The following MTRR variants were observed in gnomAD, a reference collection of about 807,000 sequenced individuals.
The protein encoded by MTRR is 5-methyltetrahydrofolate-homocysteine methyltransferase reductase.
Under a neutral mutation model 79.2 loss-of-function variants are expected in MTRR, and 63 were observed. The ratio of observed to expected loss-of-function variants is 0.80; its 90% CI spans 0.65 to 0.98. MTRR has a LOEUF of 0.98. Ranked by LOEUF, MTRR falls within the 50% of genes least tolerant of loss-of-function variation. The pLI is 0.00. For synonymous variants in MTRR, 355 were observed against 313.3 expected, an observed-to-expected ratio of 1.13 and a Z score of -1.41; for missense variants, 895 against 839.6, an observed-to-expected ratio of 1.07 and a Z score of -0.82.
Position 7,875,339 on chromosome 5 carries a change from A to C in MTRR, c.365A>C (p.His122Pro). 6.2e-7 allele frequency: 1 copy of C among 1,613,886 alleles called. No homozygotes were observed. Among genetic ancestry groups the C allele is most frequent in the Non-Finnish European group, 8.5e-7 (1 of 1,179,766 alleles). Residue 122 changes from histidine to proline, a missense_variant, in exon 4 of 15, where the codon CAT (histidine) becomes CCT (proline). Physicochemically the swap from His to Pro is moderately conservative, Grantham distance 77. Coordinates refer to ENST00000440940, the MANE Select transcript of MTRR (RefSeq NM_002454.3). ...DKRLQELGAR[H>P]FYDTGHADDC... is the part of the protein sequence containing the mutation. ...CGACTTCAAGAGCTTGGAGCCCGGC[A>C]TTTCTATGACACTGGACATGCAGAT...
intron 10 of MTRR, among the ~76,000 whole-genome samples, chr5:7,891,936 G>A (rs1414668267): frequency 6.6e-6 from 1 of 152,140 alleles, no homozygotes; most frequent in African/African-American, 2.4e-5. Flanking sequence ...CAGCTACTTG[G>A]GAGGCTGAGG....
intron 1 of MTRR, chr5:7,861,201 T>C: frequency 6.2e-7 from 1 of 1,612,800 alleles, no homozygotes; most frequent in Non-Finnish European, 8.5e-7. Context: ...AATAGCTTCT[T>C]TCCCCAGTAA....
upstream of MTRR, chr5:7,867,775 G>C (rs756128288): frequency 6.2e-7 from 1 of 1,614,190 alleles, no homozygotes; most frequent in South Asian, 1.1e-5. Context: ...TCAGTCTCCT[G>C]TAAAACATCT....
chr5:7,858,204 G>A (rs931562611), intron 1 of MTRR, among the ~76,000 whole-genome samples: 1 of 152,162 alleles, frequency 6.6e-6, no homozygotes, highest in African/African-American at 2.4e-5. Flanking sequence ...ACACAGGACT[G>A]GATATTAGCT....
rs1236054079 is a variant in MTRR, at chr5:7,887,805, T to C, written c.1146+1102T>C. On this transcript the variant is annotated intron_variant, in intron 8 of 14. Transcript: ENST00000440940. ...GTGTGTGTGTGTGCATATATATATA[T>C]ATATATATATATATATATATATATA... 1.0e-3 allele frequency among the ~76,000 whole-genome samples: 35 copies of C among 35,070 alleles called. 1 individual carries two copies. Among genetic ancestry groups the C allele is most frequent in the Admixed American group, 2.0e-3 (6 of 3,040 alleles). 23.0% of individuals were successfully genotyped at this position (35,070 alleles called of 152,430 possible).
At chr5:7,871,071 A>T (rs1402053963) in intron 2 of MTRR, 148 bp downstream of exon 2, 1 of 957,784 alleles carries the variant, frequency 1.0e-6, no homozygotes, top group Non-Finnish European at 1.6e-6. Flanking sequence ...ATAGTAAGAT[A>T]TCACCAGCAT....
chr5:7,891,640 C>T (rs1381687862), intron 10 of MTRR, among the ~76,000 whole-genome samples: 1 of 152,142 alleles, frequency 6.6e-6, no homozygotes, highest in Non-Finnish European at 1.5e-5. Context: ...TACTATGTTT[C>T]CCCACTTAGG....
rs191071577 is a variant in MTRR, at chr5:7,880,334, G to A, written c.780+2012G>A. ...TTGTAAATTTATACATTGTTCCAGC[G>A]CAAAGTGAACTGTTTCTGATCCTCT... On this transcript the variant is annotated intron_variant, in intron 5 of 14. Coordinates refer to ENST00000440940, the MANE Select transcript of MTRR (RefSeq NM_002454.3). Among the ~76,000 whole-genome samples, 38 of 152,328 alleles carry A rather than the reference G, an allele frequency of 2.5e-4. No individual in the cohort carries two copies. In the East Asian group the frequency reaches 3.5e-3, roughly 14 times the overall value.
intron 8 of MTRR, among the ~76,000 whole-genome samples, chr5:7,887,478 T>C (rs564722699): frequency 2.6e-5 from 4 of 151,262 alleles, no homozygotes; most frequent in Admixed American, 6.6e-5. Context: ...AATGTGTTTA[T>C]TGCATTTCTA....
chr5:7,867,046 G>A (rs1267759741), upstream of MTRR: 10 of 1,614,168 alleles, frequency 6.2e-6, no homozygotes, highest in South Asian at 1.1e-4. Flanking sequence ...ATGTGTCATG[G>A]TGCCCAAAAT....
In MTRR at chr5:7,886,626, C is replaced by A. The variant is rs764360570; in HGVS notation, c.1069C>A (p.Pro357Thr). Residue 357 changes from proline to threonine, a missense_variant, in exon 8 of 15, where the codon CCC becomes ACC. Transcript: ENST00000440940. ...CTTTACCTGAAAAGGAGCTACCTTACCCCAGCATATACCTGCGGGATGTTC... is the reference window on the plus strand; with the variant it reads ...CTTTACCTGAAAAGGAGCTACCTTAACCCAGCATATACCTGCGGGATGTTC... ...ADTKKKGATLPQHIPAGCSLQ... is the reference protein window; with the variant it reads ...ADTKKKGATLTQHIPAGCSLQ... The A allele has an allele frequency of 1.2e-6, 2 of 1,613,330 alleles. No homozygotes were observed. The highest frequency in any genetic ancestry group is 8.5e-7 in the Non-Finnish European group (1 of 1,179,288).
chr5:7,872,003 GA>G (rs1425136267), intron 2 of MTRR, among the ~76,000 whole-genome samples: 2 of 107,152 alleles, frequency 1.9e-5, no homozygotes, highest in African/African-American at 1.0e-4. Flanking sequence ...GATGAATGGT[GA>G]ATTTTTTTTT....
At chr5:7,887,805 T>TGC (rs1736838343) in intron 8 of MTRR, among the ~76,000 whole-genome samples, 1 of 35,080 alleles carries the variant, frequency 2.9e-5, no homozygotes, top group East Asian at 5.0e-4. Flanking sequence ...TATATATATA[T>TGC]ATATATATAT....
intron 1 of MTRR, among the ~76,000 whole-genome samples, chr5:7,858,394 A>C (rs903519315): frequency 6.6e-6 from 1 of 151,902 alleles, no homozygotes; most frequent in African/African-American, 2.4e-5. Flanking sequence ...ATGAGCGGCA[A>C]GGTCAGCTGG....
chr5:7,868,005 T>G, upstream of MTRR: 1 of 1,614,118 alleles, frequency 6.2e-7, no homozygotes. Context: ...AGAGGTTTAT[T>G]TTTTAAAGCA....
chr5:7,895,794 A>C lies in MTRR; in HGVS notation c.1618A>C (p.Ile540Leu). ...FHLPDDPSIPIIMVGPGTGIA... is the reference protein window; with the variant it reads ...FHLPDDPSIPLIMVGPGTGIA... ...CTTACCAGATGACCCCTCAATCCCCATCATAATGGTGGGTCCAGGAACCGG... is the reference window on the plus strand; with the variant it reads ...CTTACCAGATGACCCCTCAATCCCCCTCATAATGGTGGGTCCAGGAACCGG... The change falls in exon 12 of 15, where the codon ATC becomes CTC. Residue 540 changes from isoleucine to leucine, a missense_variant. Coordinates refer to ENST00000440940, the MANE Select transcript of MTRR (RefSeq NM_002454.3). The C allele has an allele frequency of 1.2e-6, 2 of 1,614,076 alleles. No individual in the cohort carries two copies. Among genetic ancestry groups the C allele is most frequent in the Non-Finnish European group, 1.7e-6 (2 of 1,179,956 alleles).
chr5:7,862,418 A>T lies in MTRR; in HGVS notation n.498+361A>T, dbSNP rs565172039. ...CTTAAACTTTTAATAATTTAAATTTAAATAGCCACATGGTCTAGTGGCTAC... is the reference window on the plus strand; with the variant it reads ...CTTAAACTTTTAATAATTTAAATTTTAATAGCCACATGGTCTAGTGGCTAC... On this transcript the variant is annotated intron_variant and non_coding_transcript_variant, in intron 2 of 3. Transcript: ENST00000502509. Among the ~76,000 whole-genome samples, 3 of 152,292 alleles carry T rather than the reference A, an allele frequency of 2.0e-5. No homozygotes were observed. In the East Asian group the frequency reaches 5.8e-4, roughly 29 times the overall value.
chr5:7,892,834 T>C lies in MTRR; in HGVS notation c.1478T>C (p.Leu493Pro). 6.2e-7 allele frequency: 1 copy of C among 1,614,240 alleles called. No homozygotes were observed. The highest frequency in any genetic ancestry group is 8.5e-7 in the Non-Finnish European group (1 of 1,180,042). The change falls in exon 11 of 15, where the codon CTG becomes CCG. Residue 493 changes from leucine to proline, a missense_variant. Physicochemically the swap from Leu to Pro is moderately conservative, Grantham distance 98. Transcript: ENST00000440940. ...CGGAAGGGAGTATGTACAGGCTGGC[T>C]GGCCTTGTTGGTTGCTTCAGTTCTT... ...VLRKGVCTGW[L>P]ALLVASVLQP...
At chr5:7,869,319 C>G (rs533761976) in intron 1 of MTRR, 104 bp downstream of exon 1, 10 of 1,413,966 alleles carry the variant, frequency 7.1e-6, no homozygotes, top group South Asian at 1.2e-5. Context: ...GGCTTGCGCC[C>G]GTGGTTCCCA....
Sources: allele counts gnomAD v4.1 joint callset (sites outside exome capture counted in the v4.1 genomes callset), GRCh38; gene constraint gnomAD v4.1.1; transcripts MANE v1.5; gene names NCBI Gene and HGNC (gene_info 2026-07-23, HGNC 2026-07-21).